Variants in NRDE2 observed in about 807,000 individuals in gnomAD.
The protein encoded by NRDE2 is nuclear exosome regulator NRDE2.
A neutral mutation model predicts 124.2 loss-of-function variants in NRDE2; 76 were observed. That is an observed-to-expected ratio of 0.61 (90% CI 0.51 to 0.74). NRDE2 has a LOEUF of 0.74. Ranked by LOEUF, NRDE2 falls within the 30% of genes least tolerant of loss-of-function variation. The pLI is 0.00. For missense variants in NRDE2, 1,314 were observed against 1,417.3 expected (o/e 0.93, Z 1.17); for synonymous variants, 489 against 528.1 (o/e 0.93, Z 1.01).
In NRDE2 at chr14:90,278,067, T is replaced by C; in HGVS notation, c.*269A>G. On this transcript the variant is annotated 3_prime_UTR_variant, in exon 14 of 14. Coordinates refer to ENST00000354366, the MANE Select transcript of NRDE2 (RefSeq NM_017970.4). ...CAAGGACGCTGCCACGCCTCAATCATCATCGGTTTAATGACCACGTGGCAT... is the reference window on the plus strand; with the variant it reads ...CAAGGACGCTGCCACGCCTCAATCACCATCGGTTTAATGACCACGTGGCAT... 3.1e-6 allele frequency: 1 copy of C among 321,744 alleles called. No individual in the cohort carries two copies. Among genetic ancestry groups the C allele is most frequent in the Non-Finnish European group, 6.0e-6 (1 of 166,420 alleles). The allele number at this position is 321,744 out of a possible 1,614,324, so 19.9% of individuals were successfully genotyped here.
In NRDE2 at chr14:90,288,443, A is replaced by G. The variant is rs1346079857; in HGVS notation, c.2932T>C (p.Tyr978His). The G allele has an allele frequency of 6.2e-6, 10 of 1,614,082 alleles. No homozygotes were observed. In the Admixed American group the frequency reaches 1.2e-4, roughly 19 times the overall value. ...LLRFHMKVSV[Y>H]PLAPLREALS... ...GCCTCTCGCAGAGGGGCCAGCGGGT[A>G]AACACTCACTTTCATGTGGAATCTC... is the stretch of plus-strand genomic sequence containing the variant. The change falls in exon 11 of 14, where the codon TAC (tyrosine) becomes CAC (histidine). Residue 978 changes from tyrosine (Y) to histidine (H), a missense_variant. Tyr to His is a moderately conservative substitution (Grantham distance 83). Coordinates refer to ENST00000354366, the MANE Select transcript of NRDE2 (RefSeq NM_017970.4).
chr14:90,273,954 A>G lies in NRDE2; in HGVS notation c.*4382T>C, dbSNP rs921065253. ...ATTGGACCCATGCAGATGATCCAGG[A>G]TAATTTCCCTGTTTTAAAGTTTACA... is the stretch of plus-strand genomic sequence containing the variant. On this transcript the variant is annotated 3_prime_UTR_variant, in exon 14 of 14. Transcript: ENST00000354366. 3 of 154,118 alleles carry G rather than the reference A, an allele frequency of 1.9e-5. No homozygotes were observed. The highest frequency in any genetic ancestry group is 1.3e-4 in the Admixed American group (2 of 15,154). The allele number at this position is 154,118 out of a possible 1,614,324, so 9.5% of individuals were successfully genotyped here.
chr14:90,302,968 A>C lies in NRDE2; in HGVS notation c.1163T>G (p.Leu388Arg). The C allele has an allele frequency of 6.2e-7, 1 of 1,614,064 alleles. No individual in the cohort carries two copies. Among genetic ancestry groups the C allele is most frequent in the Non-Finnish European group, 8.5e-7 (1 of 1,180,034 alleles). The change falls in exon 6 of 14, where the codon CTG (leucine) becomes CGG (arginine). Residue 388 changes from leucine to arginine, a missense_variant. Physicochemically the swap from Leu to Arg is moderately radical, Grantham distance 102 (BLOSUM62 -2). Coordinates refer to ENST00000354366, the MANE Select transcript of NRDE2 (RefSeq NM_017970.4). Reference protein sequence around the residue: ...QSSVDLKLAKLKLCTEFWEPS... With the variant: ...QSSVDLKLAKRKLCTEFWEPS... ...CTCCCAGAACTCTGTGCAGAGCTTCAGCTTGGCCAGTTTCAGATCCACACT... is the reference window on the plus strand; with the variant it reads ...CTCCCAGAACTCTGTGCAGAGCTTCCGCTTGGCCAGTTTCAGATCCACACT...
chr14:90,286,084 T>C (rs942078007), intron 12 of NRDE2, among the ~76,000 whole-genome samples: 6 of 152,218 alleles, frequency 3.9e-5, no homozygotes, highest in African/African-American at 1.4e-4. Context: ...TAAATCCTAT[T>C]GCACTGAATA....
rs1176069098 is a variant in NRDE2, at chr14:90,269,173, A to G, written c.*9163T>C. On this transcript the variant is annotated 3_prime_UTR_variant, in exon 14 of 14. Coordinates refer to ENST00000354366, the MANE Select transcript of NRDE2 (RefSeq NM_017970.4). ...TTCCAAAAGGCCTCATCTCTTAGCC[A>G]CACAGTAGGGATTAAGTTTCAACAC... 3.8e-6 allele frequency: 2 copies of G among 521,432 alleles called. No individual in the cohort carries two copies. Among genetic ancestry groups the G allele is most frequent in the Non-Finnish European group, 3.4e-6 (1 of 293,488 alleles). The allele number at this position is 521,432 out of a possible 1,614,324, so 32.3% of individuals were successfully genotyped here. A position where few individuals can be genotyped will look rare whatever the true frequency, so the allele number is the denominator to read the frequency against.
At chr14:90,315,921 C>T (rs952766019) in intron 3 of NRDE2, among the ~76,000 whole-genome samples, 2 of 137,522 alleles carry the variant, frequency 1.5e-5, no homozygotes, top group African/African-American at 2.8e-5. Context: ...CGCACCACTG[C>T]ACTCCAGCGT....
chr14:90,284,222 G>A (rs12884698), intron 12 of NRDE2, among the ~76,000 whole-genome samples: 48,515 of 151,872 alleles, frequency 0.32, 9,015 homozygotes, highest in East Asian at 0.52. Context: ...ACGGATACTC[G>A]CTCTGTATCT....
At position 90,272,324 on chromosome 14, in the gene NRDE2, G is replaced by C. The variant is rs1015304955; in HGVS notation, c.*6012C>G. On this transcript the variant is annotated 3_prime_UTR_variant, in exon 14 of 14. Transcript: ENST00000354366. The surrounding 1 kb of genome is among the most constrained non-coding windows in gnomAD (Gnocchi z 4.5). The stretch of plus-strand genomic sequence containing the variant: ...GGCCTTAAGAGAACGTAGAATGAAA[G>C]TAACAAATGAAGACTTCAAAAAATC... 1 of 1,604,518 alleles carries C rather than the reference G, an allele frequency of 6.2e-7. No homozygotes were observed. The highest frequency in any genetic ancestry group is 8.5e-7 in the Non-Finnish European group (1 of 1,178,278).
chr14:90,306,212 A>ATCT (rs1884595942), intron 4 of NRDE2, among the ~76,000 whole-genome samples: 1 of 152,230 alleles, frequency 6.6e-6, no homozygotes, highest in Non-Finnish European at 1.5e-5. Context: ...AACTGCCTTC[A>ATCT]TCTTCTGTCA....
chr14:90,272,077 A>T lies in NRDE2; in HGVS notation c.*6259T>A. 1 of 419,136 alleles carries T rather than the reference A, an allele frequency of 2.4e-6. No homozygotes were observed. The highest frequency in any genetic ancestry group is 4.4e-6 in the Non-Finnish European group (1 of 226,322). 26.0% of individuals were successfully genotyped at this position (419,136 alleles called of 1,614,324 possible). ...CTGGCTAACTTTTTGTATTTTTAGT[A>T]GAGATGGGGTTTCACCGTGTTGGCC... is the stretch of plus-strand genomic sequence containing the variant. On this transcript the variant is annotated 3_prime_UTR_variant, in exon 14 of 14. Coordinates refer to ENST00000354366, the MANE Select transcript of NRDE2 (RefSeq NM_017970.4). This position sits in a 1 kb window ranked among gnomAD's most constrained non-coding sequence, Gnocchi z 4.5.
chr14:90,327,417 T>C (rs982664442), intron 1 of NRDE2, among the ~76,000 whole-genome samples: 1 of 152,138 alleles, frequency 6.6e-6, no homozygotes, highest in African/African-American at 2.4e-5. Flanking sequence ...AGTGTGGTGG[T>C]GCACACTAGC....
intron 12 of NRDE2, 135 bp from the exon 13 acceptor site, chr14:90,279,268 C>A (rs550498487): frequency 1.5e-6 from 1 of 688,104 alleles, no homozygotes; most frequent in African/African-American, 1.8e-5. Context: ...GGCACCGTCA[C>A]GGTGGCTGTG....
In NRDE2 at chr14:90,274,838, A is replaced by ACAAC. The variant is rs1491397403; in HGVS notation, c.*3497_*3498insGTTG. On this transcript the variant is annotated 3_prime_UTR_variant, in exon 14 of 14. Coordinates refer to ENST00000354366, the MANE Select transcript of NRDE2 (RefSeq NM_017970.4). Reference sequence around the variant, plus strand: ...CACACACACACACACACACACACACACCCCAATACATATGAATTGATCTGA... The same window carrying ACAAC: ...CACACACACACACACACACACACACACAACCCCCAATACATATGAATTGATCTGA... 1.0e-4 allele frequency: 7 copies of ACAAC among 67,186 alleles called. No individual in the cohort carries two copies. Among genetic ancestry groups the ACAAC allele is most frequent in the Non-Finnish European group, 1.9e-4 (6 of 31,320 alleles). The allele number at this position is 67,186 out of a possible 1,614,324, so 4.2% of individuals were successfully genotyped here. A position where few individuals can be genotyped will look rare whatever the true frequency, so the allele number is the denominator to read the frequency against.
intron 12 of NRDE2, among the ~76,000 whole-genome samples, chr14:90,283,585 T>C (rs1595054755): frequency 6.6e-6 from 1 of 152,226 alleles, no homozygotes; most frequent in South Asian, 2.1e-4. Context: ...CTCAAACTGT[T>C]GTCTCTACTA....
chr14:90,279,156 C>CAAACATGATTAGTTGACACAGAG, intron 12 of NRDE2, 23 bp from the exon 13 acceptor site: 1 of 1,565,242 alleles, frequency 6.4e-7, no homozygotes, highest in Non-Finnish European at 8.8e-7. Flanking sequence ...GGAGAAAATA[C>CAAACATGATTAGTTGACACAGAG]AAACATGATT....
rs1353711719 is a variant in NRDE2, at chr14:90,269,654, CA to C, written c.*8681del. The C allele has an allele frequency of 7.9e-7, 1 of 1,263,278 alleles. No homozygotes were observed. Among genetic ancestry groups the C allele is most frequent in the African/African-American group, 1.5e-5 (1 of 66,526 alleles). 78.3% of individuals were successfully genotyped at this position (1,263,278 alleles called of 1,614,324 possible). ...ATGATACATAAAAAAGCAAATACTG[CA>C]GTGAAACTTAGGATAATTTACAAAA... is the stretch of plus-strand genomic sequence containing the variant. On this transcript the variant is annotated 3_prime_UTR_variant, in exon 14 of 14. Coordinates refer to ENST00000354366, the MANE Select transcript of NRDE2 (RefSeq NM_017970.4).
intron 13 of NRDE2, chr14:90,278,759 C>G: frequency 1.9e-6 from 1 of 535,182 alleles, no homozygotes; most frequent in East Asian, 3.1e-5. Flanking sequence ...TGGGCTCTCA[C>G]AGCCAGGCTG....
Position 90,269,987 on chromosome 14 carries a change from C to T in NRDE2, c.*8349G>A, listed in dbSNP as rs1891620393. ...TCATTTATTTCTGAAGGTACCAAAG[C>T]AGAGAGAGTTTCTTTTAAATGAAGA... On this transcript the variant is annotated 3_prime_UTR_variant, in exon 14 of 14. Coordinates refer to ENST00000354366, the MANE Select transcript of NRDE2 (RefSeq NM_017970.4). 6 of 547,570 alleles carry T rather than the reference C, an allele frequency of 1.1e-5. No individual in the cohort carries two copies. Among genetic ancestry groups the T allele is most frequent in the Non-Finnish European group, 1.9e-5 (6 of 317,012 alleles). The allele number at this position is 547,570 out of a possible 1,614,324, so 33.9% of individuals were successfully genotyped here.
In NRDE2 at chr14:90,296,647, G is replaced by C. The variant is rs181849067; in HGVS notation, c.1666+1613C>G. Among the ~76,000 whole-genome samples the C allele has an allele frequency of 2.6e-5, 4 of 152,152 alleles. No homozygotes were observed. The East Asian group carries it at 7.7e-4, about 29-fold the overall frequency. On this transcript the variant is annotated intron_variant, in intron 8 of 13. Coordinates refer to ENST00000354366, the MANE Select transcript of NRDE2 (RefSeq NM_017970.4). ...ACACCTGTGAGAAGAGGCTCACTGA[G>C]CCTAGGCAAGGAGTCAATCTCCTGA...
Sources: gnomAD v4.1 joint callset for allele counts (sites outside exome capture counted in the v4.1 genomes callset) on GRCh38, gnomAD v4.1.1 for gene constraint, Gnocchi (gnomAD v3.1) non-coding constraint, MANE v1.5 for transcripts, NCBI Gene and HGNC (gene_info 2026-07-23, HGNC 2026-07-21) for gene names.